The following PRKN variants were observed in gnomAD, a reference collection of about 807,000 sequenced individuals.
PRKN encodes parkin RBR E3 ubiquitin protein ligase, also known as E3 ubiquitin-protein ligase parkin.
PRKN carries 56 observed loss-of-function variants against 59.5 expected under a neutral mutation model. That is an observed-to-expected ratio of 0.94 (90% CI 0.76 to 1.18). The LOEUF (loss-of-function observed/expected upper bound fraction) is 1.18, where lower values mean the gene tolerates loss of function less well. Ranked by LOEUF, PRKN falls within the 50% of genes most tolerant of loss-of-function variation. PRKN has a pLI of 0.00. For missense variants in PRKN, 657 were observed against 596.4 expected (o/e 1.10, Z -1.06); for synonymous variants, 250 against 222.1 (o/e 1.13, Z -1.12).
At chr6:161,942,391 C>T (rs1395475263) in intron 6 of PRKN, among the ~76,000 whole-genome samples, 3 of 151,918 alleles carry the variant, frequency 2.0e-5, no homozygotes, top group Admixed American at 6.6e-5. Flanking sequence ...ATTAGCTGGG[C>T]GTGGTGGTGG....
At chr6:162,699,088 C>T (rs1193219693) in intron 1 of PRKN, among the ~76,000 whole-genome samples, 1 of 152,136 alleles carries the variant, frequency 6.6e-6, no homozygotes, top group Non-Finnish European at 1.5e-5. Context: ...TATATAGCTA[C>T]AGAAACAGAA....
At chr6:162,663,866 C>T (rs1778992115) in intron 1 of PRKN, among the ~76,000 whole-genome samples, 1 of 151,812 alleles carries the variant, frequency 6.6e-6, no homozygotes, top group African/African-American at 2.4e-5. Context: ...CTGGTGAAGC[C>T]CCACAATACT....
chr6:162,653,323 T>TGA (rs1408496984), intron 1 of PRKN, among the ~76,000 whole-genome samples: 1 of 50,956 alleles, frequency 2.0e-5, no homozygotes, highest in Non-Finnish European at 3.6e-5. Flanking sequence ...TGTGTTTGTG[T>TGA]GTGTGTGTGT....
chr6:161,662,627 C>A (rs766969408), intron 7 of PRKN, among the ~76,000 whole-genome samples: 1 of 151,932 alleles, frequency 6.6e-6, no homozygotes, highest in African/African-American at 2.4e-5. Context: ...AGCTCTGCCA[C>A]CAGACCTCCA....
chr6:162,486,360 G>A (rs1013756384), intron 1 of PRKN, among the ~76,000 whole-genome samples: 2 of 152,120 alleles, frequency 1.3e-5, no homozygotes, highest in Non-Finnish European at 2.9e-5. Flanking sequence ...AACTCCTTCC[G>A]TTAAAGGAAC....
chr6:162,021,089 C>T (rs778886979), intron 5 of PRKN, among the ~76,000 whole-genome samples: 4 of 124,450 alleles, frequency 3.2e-5, no homozygotes, highest in East Asian at 2.4e-4. Flanking sequence ...GGTGACAGAA[C>T]GAGACTCTGT....
At chr6:162,407,051 G>A (rs1002078323) in intron 2 of PRKN, among the ~76,000 whole-genome samples, 5 of 151,918 alleles carry the variant, frequency 3.3e-5, no homozygotes, top group African/African-American at 1.2e-4. Flanking sequence ...TGATCTAAAC[G>A]AGGGTTGGAA....
intron 3 of PRKN, among the ~76,000 whole-genome samples, chr6:162,232,055 C>T (rs1027944635): frequency 1.3e-5 from 2 of 152,080 alleles, no homozygotes; most frequent in Admixed American, 6.6e-5. Flanking sequence ...TTTCACAGCC[C>T]TTGGAAAGCC....
intron 7 of PRKN, among the ~76,000 whole-genome samples, chr6:161,637,602 C>T (rs926772467): frequency 2.6e-5 from 4 of 152,074 alleles, no homozygotes; most frequent in South Asian, 2.1e-4. Flanking sequence ...TTCTCCTCTG[C>T]GTTCCCAGGC....
At chr6:162,532,748 G>A (rs1779774174) in intron 1 of PRKN, among the ~76,000 whole-genome samples, 1 of 152,166 alleles carries the variant, frequency 6.6e-6, no homozygotes, top group African/African-American at 2.4e-5. Flanking sequence ...TTTCTTATCT[G>A]TATCGGAAGC....
At chr6:161,425,960 CA>C (rs148293040) in intron 9 of PRKN, among the ~76,000 whole-genome samples, 180 of 152,164 alleles carry the variant, frequency 1.2e-3, no homozygotes, top group African/African-American at 4.1e-3. Context: ...GACTAATACC[CA>C]GCCTCAGTTC....
At chr6:162,521,631 ATTCCATATATTTACATT>A (rs1373822038) in intron 1 of PRKN, among the ~76,000 whole-genome samples, 1 of 152,160 alleles carries the variant, frequency 6.6e-6, no homozygotes, top group Non-Finnish European at 1.5e-5. Context: ...CCATATAGTA[ATTCCATATATTTACATT>A]ATAAGCATAT....
rs529603120 is a variant in PRKN, at chr6:161,435,857, C to T, written c.1084-48980G>A. ...TTCCTCATGAAGTGTGTGGTTTCCT[C>T]AAGGACTGCCTGGGAGGCCCTGAGG... On this transcript the variant is annotated intron_variant, in intron 9 of 11. Coordinates refer to ENST00000366898, the MANE Select transcript of PRKN (RefSeq NM_004562.3). 2.5e-5 allele frequency among the ~76,000 whole-genome samples: 3 copies of T among 119,792 alleles called. No individual in the cohort carries two copies. In the South Asian group the frequency reaches 9.5e-4, roughly 38 times the overall value. 78.6% of individuals were successfully genotyped at this position (119,792 alleles called of 152,430 possible).
chr6:161,713,097 A>T (rs1786821366), intron 7 of PRKN, among the ~76,000 whole-genome samples: 2 of 152,210 alleles, frequency 1.3e-5, no homozygotes, highest in African/African-American at 4.8e-5. Context: ...AATGGGTAAG[A>T]TTAATTTGCT....
At chr6:162,396,878 C>A (rs1251191427) in intron 2 of PRKN, among the ~76,000 whole-genome samples, 1 of 152,082 alleles carries the variant, frequency 6.6e-6, no homozygotes, top group Admixed American at 6.5e-5. Context: ...AAGTCTGATG[C>A]ATTTAGGTTC....
chr6:161,397,160 G>T lies in PRKN; in HGVS notation c.1084-10283C>A, dbSNP rs1786800851. ...CCTATCTCCTCTTCTAAAGGGATAG[G>T]ATTTGTATCTTATTCATCTTTGTCT... is the stretch of plus-strand genomic sequence containing the variant. On this transcript the variant is annotated intron_variant, in intron 9 of 11. Coordinates refer to ENST00000366898, the MANE Select transcript of PRKN (RefSeq NM_004562.3). This position sits in a 1 kb window ranked among gnomAD's most constrained non-coding sequence, Gnocchi z 4.2. Among the ~76,000 whole-genome samples the T allele has an allele frequency of 6.6e-6, 1 of 152,120 alleles. No individual in the cohort carries two copies. The highest frequency in any genetic ancestry group is 2.1e-4 in the South Asian group (1 of 4,826).
chr6:162,722,844 G>C (rs1418312368), intron 1 of PRKN, among the ~76,000 whole-genome samples: 1 of 151,994 alleles, frequency 6.6e-6, no homozygotes, highest in Non-Finnish European at 1.5e-5. Context: ...AATTGTAAAG[G>C]GCAAAGGGTC....
chr6:162,713,559 G>C (rs1180275850), intron 1 of PRKN, among the ~76,000 whole-genome samples: 1 of 150,488 alleles, frequency 6.6e-6, no homozygotes, highest in Admixed American at 6.6e-5. Context: ...GAAAAAGTAT[G>C]CCAGATTCAG....
chr6:161,815,028 T>C (rs1791715519), intron 6 of PRKN, among the ~76,000 whole-genome samples: 1 of 151,926 alleles, frequency 6.6e-6, no homozygotes, highest in South Asian at 2.1e-4. Flanking sequence ...TTTATGACAA[T>C]GAGAAAAACT....
Sources: allele counts gnomAD v4.1 joint callset (sites outside exome capture counted in the v4.1 genomes callset), GRCh38; gene constraint gnomAD v4.1.1; non-coding constraint Gnocchi (gnomAD v3.1); transcripts MANE v1.5; gene names NCBI Gene and HGNC (gene_info 2026-07-23, HGNC 2026-07-21).